ZNF423: variants seen among roughly 807,000 people sequenced by gnomAD.
ZNF423 encodes the protein Ebf-associated zinc finger protein.
A neutral mutation model predicts 95.8 loss-of-function variants in ZNF423; 12 were observed. That is an observed-to-expected ratio of 0.13 (90% CI 0.08 to 0.20). The LOEUF is 0.20. ZNF423 is among the 10% of genes least tolerant of loss of function. ZNF423 has a pLI of 1.00. For missense variants in ZNF423, 1,316 were observed against 1,737.1 expected (o/e 0.76, Z 4.31); for synonymous variants, 749 against 711.9 (o/e 1.05, Z -0.83).
intron 5 of ZNF423, among the ~76,000 whole-genome samples, chr16:49,569,458 G>A (rs994088890): frequency 1.3e-5 from 2 of 152,202 alleles, no homozygotes; most frequent in South Asian, 2.1e-4. Context: ...AAAGAGAGCC[G>A]TTTTGGGGTC....
chr16:49,744,086 G>A (rs1286316884), intron 2 of ZNF423, among the ~76,000 whole-genome samples: 1 of 152,086 alleles, frequency 6.6e-6, no homozygotes, highest in Non-Finnish European at 1.5e-5. Flanking sequence ...GGAGACCCCA[G>A]GGGTCTCCCC....
At chr16:49,606,702 A>G (rs1395577374) in intron 5 of ZNF423, among the ~76,000 whole-genome samples, 1 of 152,230 alleles carries the variant, frequency 6.6e-6, no homozygotes, top group African/African-American at 2.4e-5. Context: ...GTGTCCTGAC[A>G]CAGGTGCCTT....
chr16:49,573,482 C>T (rs551871219), intron 5 of ZNF423, among the ~76,000 whole-genome samples: 36 of 152,242 alleles, frequency 2.4e-4, no homozygotes, highest in South Asian at 6.2e-4. Context: ...AGCACAGAGA[C>T]GACATCTGGA....
chr16:49,673,722 C>T (rs376615872), intron 3 of ZNF423, among the ~76,000 whole-genome samples: 16 of 152,238 alleles, frequency 1.1e-4, no homozygotes, highest in African/African-American at 3.9e-4. Context: ...CCCTTCTGCC[C>T]ATGGGGGGCT....
intron 7 of ZNF423, among the ~76,000 whole-genome samples, chr16:49,497,394 C>A (rs1193104994): frequency 6.6e-6 from 1 of 152,320 alleles, no homozygotes; most frequent in East Asian, 1.9e-4. Context: ...TGGCCAAACT[C>A]ATAGACCCTG....
At position 49,507,454 on chromosome 16, in the gene ZNF423, G is replaced by A. The variant is rs1189885149; in HGVS notation, c.3850-16150C>T. 2.7e-5 allele frequency among the ~76,000 whole-genome samples: 4 copies of A among 150,866 alleles called. 1 individual carries two copies. The highest frequency in any genetic ancestry group is 9.8e-5 in the African/African-American group (4 of 40,648). On this transcript the variant is annotated intron_variant, in intron 7 of 7. Coordinates refer to ENST00000563137, the MANE Select transcript of ZNF423 (RefSeq NM_001379286.1). The stretch of plus-strand genomic sequence containing the variant: ...TGGCCAATACCACATTTTTGATGTG[G>A]CAGCTTCTGAGGCAAAGATGAGGAA...
intron 7 of ZNF423, among the ~76,000 whole-genome samples, chr16:49,511,770 G>GTGATGA (rs139940431): frequency 6.6e-6 from 1 of 152,188 alleles, no homozygotes; most frequent in Admixed American, 6.5e-5. Context: ...AATGACAACA[G>GTGATGA]TGATGATGAT....
At chr16:49,657,190 G>A (rs7187437) in intron 3 of ZNF423, among the ~76,000 whole-genome samples, 6,477 of 152,222 alleles carry the variant, frequency 0.043, 427 homozygotes, top group African/African-American at 0.15. Context: ...ACAGACAAGC[G>A]GCACACACTG....
intron 3 of ZNF423, among the ~76,000 whole-genome samples, chr16:49,696,820 C>G (rs889535832): frequency 7.2e-5 from 11 of 152,340 alleles, no homozygotes; most frequent in African/African-American, 2.4e-4. Context: ...CCTGGGCCTC[C>G]AGGAGGCTCC....
chr16:49,626,311 A>G (rs1972269185), intron 4 of ZNF423, 57 bp from the exon 5 acceptor site: 2 of 1,560,474 alleles, frequency 1.3e-6, no homozygotes, highest in African/African-American at 2.7e-5. Context: ...AAAAAGGAGA[A>G]AGCAAAAGTT....
chr16:49,614,441 C>T (rs1339814175), intron 5 of ZNF423, among the ~76,000 whole-genome samples: 2 of 152,176 alleles, frequency 1.3e-5, no homozygotes, highest in East Asian at 3.9e-4. Flanking sequence ...CAATTGCACT[C>T]TTGGGAATTT....
rs188937140 is a variant in ZNF423 at position 49,741,720 on chromosome 16, T to C, written c.101-10749A>G. Among the ~76,000 whole-genome samples, 1,169 of 152,344 alleles carry C rather than the reference T, an allele frequency of 7.7e-3. 9 individuals carry two copies. Among genetic ancestry groups the C allele is most frequent in the Middle Eastern group, 0.014 (4 of 294 alleles). On this transcript the variant is annotated intron_variant, in intron 2 of 7. Coordinates refer to ENST00000563137, the MANE Select transcript of ZNF423 (RefSeq NM_001379286.1). ...TCAGAGCCCCTAGAGCACAGGGTCATCTGCTCATTCCTCACCAGAAAGAGC... is the reference window on the plus strand; with the variant it reads ...TCAGAGCCCCTAGAGCACAGGGTCACCTGCTCATTCCTCACCAGAAAGAGC...
At chr16:49,658,927 C>A (rs2030045355) in intron 3 of ZNF423, among the ~76,000 whole-genome samples, 1 of 152,234 alleles carries the variant, frequency 6.6e-6, no homozygotes, top group Non-Finnish European at 1.5e-5. Flanking sequence ...GGAACCAGGC[C>A]CTCATCTGTG....
At chr16:49,657,568 C>T (rs931926764) in intron 3 of ZNF423, among the ~76,000 whole-genome samples, 3 of 152,236 alleles carry the variant, frequency 2.0e-5, no homozygotes, top group Admixed American at 2.0e-4. Context: ...CCAGGGGCAA[C>T]CTTCACCTAA....
chr16:49,790,626 C>T (rs35223307), intron 1 of ZNF423, among the ~76,000 whole-genome samples: 18,197 of 152,254 alleles, frequency 0.12, 1,559 homozygotes, highest in Admixed American at 0.25. Flanking sequence ...ATGTACAACA[C>T]GCAGGCAGCC....
chr16:49,528,409 C>A (rs1968702318), intron 5 of ZNF423, among the ~76,000 whole-genome samples: 1 of 152,166 alleles, frequency 6.6e-6, no homozygotes, highest in African/African-American at 2.4e-5. Flanking sequence ...TTAAGCAGAT[C>A]ACAGCCCCAA....
At chr16:49,643,163 G>T (rs889923216) in intron 3 of ZNF423, among the ~76,000 whole-genome samples, 1 of 152,080 alleles carries the variant, frequency 6.6e-6, no homozygotes, top group Non-Finnish European at 1.5e-5. Context: ...TCCTCATGCT[G>T]GATGCTGGAC....
intron 5 of ZNF423, among the ~76,000 whole-genome samples, chr16:49,619,068 T>A (rs1012447788): frequency 1.3e-5 from 2 of 152,164 alleles, no homozygotes; most frequent in Admixed American, 1.3e-4. Flanking sequence ...CTTGTACTAG[T>A]TTCTTTGCCT....
chr16:49,522,074 C>T (rs1968421078), intron 7 of ZNF423, among the ~76,000 whole-genome samples: 1 of 152,182 alleles, frequency 6.6e-6, no homozygotes, highest in African/African-American at 2.4e-5. Context: ...GTGTAAGTGG[C>T]CCCAGCCTTG....
Sources: gnomAD v4.1 joint callset for allele counts (sites outside exome capture counted in the v4.1 genomes callset) on GRCh38, gnomAD v4.1.1 for gene constraint, MANE v1.5 for transcripts, NCBI Gene and HGNC (gene_info 2026-07-23, HGNC 2026-07-21) for gene names.